ERBB4: variants seen among roughly 807,000 people sequenced by gnomAD.
ERBB4 encodes receptor tyrosine-protein kinase erbB-4.
A neutral mutation model predicts 158.0 loss-of-function variants in ERBB4; 42 were observed. The ratio of observed to expected loss-of-function variants is 0.27; its 90% CI spans 0.21 to 0.34. The LOEUF (loss-of-function observed/expected upper bound fraction) is 0.34. Ranked by LOEUF, ERBB4 falls within the 10% of genes least tolerant of loss-of-function variation. The pLI is 1.00. For synonymous variants in ERBB4, 583 were observed against 558.7 expected, an observed-to-expected ratio of 1.04 and a Z score of -0.61; for missense variants, 1,333 against 1,624.1, an observed-to-expected ratio of 0.82 and a Z score of 3.08.
At chr2:211,491,315 A>C (rs951410985) in intron 20 of ERBB4, among the ~76,000 whole-genome samples, 2 of 152,056 alleles carry the variant, frequency 1.3e-5, no homozygotes, top group African/African-American at 4.8e-5. Context: ...TAGGGAGATG[A>C]AGTAACAAAA....
intron 19 of ERBB4, among the ~76,000 whole-genome samples, chr2:211,617,987 C>A (rs2069457603): frequency 6.6e-6 from 1 of 151,962 alleles, no homozygotes; most frequent in Non-Finnish European, 1.5e-5. Context: ...TTTATTCCAT[C>A]CTACTCTGAA....
At chr2:212,531,238 G>A (rs754013660) in intron 1 of ERBB4, among the ~76,000 whole-genome samples, 1 of 152,122 alleles carries the variant, frequency 6.6e-6, no homozygotes. Flanking sequence ...ATGGGCCCAT[G>A]AGAACACTTA....
chr2:212,003,173 GA>G lies in ERBB4; in HGVS notation c.235-55558del, dbSNP rs1237718912. On this transcript the variant is annotated intron_variant, in intron 2 of 27. Coordinates refer to ENST00000342788, the MANE Select transcript of ERBB4 (RefSeq NM_005235.3). ...GGAAAGAAAGAAAGAAAGAAAGAAAGAAAGAAAGAAAGAAAGAAAGAAAGAA... is the reference window on the plus strand; with the variant it reads ...GGAAAGAAAGAAAGAAAGAAAGAAAGAAGAAAGAAAGAAAGAAAGAAAGAA... Among the ~76,000 whole-genome samples, 241 of 35,420 alleles carry G rather than the reference GA, an allele frequency of 6.8e-3. 12 individuals are homozygous for G. The highest frequency in any genetic ancestry group is 0.017 in the Non-Finnish European group (181 of 10,594). 23.2% of individuals were successfully genotyped at this position (35,420 alleles called of 152,430 possible). A position where few individuals can be genotyped will look rare whatever the true frequency, so the allele number is the denominator to read the frequency against.
At chr2:211,743,023 G>A (rs1011785733) in intron 5 of ERBB4, among the ~76,000 whole-genome samples, 15 of 152,142 alleles carry the variant, frequency 9.9e-5, no homozygotes, top group Non-Finnish European at 8.8e-5. Context: ...CAGTTTAATG[G>A]AGACATTTAA....
intron 5 of ERBB4, among the ~76,000 whole-genome samples, chr2:211,745,152 C>G (rs1318719835): frequency 6.6e-6 from 1 of 152,026 alleles, no homozygotes; most frequent in Non-Finnish European, 1.5e-5. Flanking sequence ...ACAGAAGAGT[C>G]AGTGGAAATC....
intron 1 of ERBB4, among the ~76,000 whole-genome samples, chr2:212,502,840 G>C (rs1690967534): frequency 6.6e-6 from 1 of 152,002 alleles, no homozygotes; most frequent in Non-Finnish European, 1.5e-5. Flanking sequence ...GTACCATCAG[G>C]ACTCAGTGCA....
chr2:211,505,710 C>T (rs550672674), intron 20 of ERBB4, among the ~76,000 whole-genome samples: 1 of 152,120 alleles, frequency 6.6e-6, no homozygotes, highest in Non-Finnish European at 1.5e-5. Flanking sequence ...CCTGTAATCC[C>T]AGCACTTTGG....
At chr2:212,538,351 C>T in intron 1 of ERBB4, 98 bp downstream of exon 1, 1 of 1,095,808 alleles carries the variant, frequency 9.1e-7, no homozygotes, top group Non-Finnish European at 1.4e-6. Flanking sequence ...GCGGTCCCTC[C>T]ACGCCTCCCG....
At chr2:211,839,066 C>T (rs2077405068) in intron 3 of ERBB4, among the ~76,000 whole-genome samples, 1 of 149,982 alleles carries the variant, frequency 6.7e-6, no homozygotes, top group African/African-American at 2.5e-5. Flanking sequence ...TTAAAGATTC[C>T]TTTTTACATA....
intron 3 of ERBB4, among the ~76,000 whole-genome samples, chr2:211,896,081 CA>C (rs1170013623): frequency 2.6e-5 from 4 of 152,116 alleles, no homozygotes; most frequent in Non-Finnish European, 5.9e-5. Flanking sequence ...ACTTCCTACC[CA>C]GGTGTTTTCA....
intron 1 of ERBB4, among the ~76,000 whole-genome samples, chr2:212,267,442 G>A (rs917694572): frequency 4.0e-5 from 6 of 151,690 alleles, no homozygotes; most frequent in Non-Finnish European, 8.8e-5. Flanking sequence ...TATTTGAATA[G>A]GTCTAGGTTA....
intron 1 of ERBB4, among the ~76,000 whole-genome samples, chr2:212,384,642 G>A (rs187784737): frequency 6.6e-6 from 1 of 151,456 alleles, no homozygotes; most frequent in Admixed American, 6.6e-5. Context: ...AGCAATATAT[G>A]TACAAAAAAT....
At chr2:211,431,163 A>G in intron 20 of ERBB4, 63 bp from the exon 21 acceptor site, 1 of 1,502,824 alleles carries the variant, frequency 6.7e-7, no homozygotes, top group Non-Finnish European at 9.2e-7. Context: ...ATTTTTCTAA[A>G]ACAAAGTTTC....
intron 25 of ERBB4, among the ~76,000 whole-genome samples, chr2:211,397,596 C>T (rs545359024): frequency 1.3e-5 from 2 of 152,228 alleles, no homozygotes; most frequent in Admixed American, 6.5e-5. Flanking sequence ...AGATTGTCCA[C>T]CTGAGCCAAG....
chr2:211,401,007 A>G (rs1245059738), intron 25 of ERBB4, among the ~76,000 whole-genome samples: 1 of 152,126 alleles, frequency 6.6e-6, no homozygotes, highest in East Asian at 1.9e-4. Flanking sequence ...CATAAGTAAA[A>G]TAATGAGAAA....
chr2:211,609,099 T>C (rs1015715178), intron 19 of ERBB4, among the ~76,000 whole-genome samples: 2 of 152,092 alleles, frequency 1.3e-5, no homozygotes, highest in African/African-American at 2.4e-5. Context: ...TTTCTCTGAC[T>C]TTCTCCTGTC....
intron 1 of ERBB4, among the ~76,000 whole-genome samples, chr2:212,503,067 A>T (rs905143565): frequency 6.6e-6 from 1 of 152,130 alleles, no homozygotes; most frequent in African/African-American, 2.4e-5. Flanking sequence ...TTTTTCCCCC[A>T]TTTGGCCTCA....
chr2:211,390,931 C>CT (rs1263701290), intron 25 of ERBB4, among the ~76,000 whole-genome samples: 3 of 152,090 alleles, frequency 2.0e-5, no homozygotes, highest in Non-Finnish European at 4.4e-5. Flanking sequence ...TTTCAGTTTG[C>CT]TTTTTTATCT....
At chr2:211,695,105 G>A (rs2072965152) in intron 12 of ERBB4, among the ~76,000 whole-genome samples, 1 of 151,986 alleles carries the variant, frequency 6.6e-6, no homozygotes, top group Admixed American at 6.5e-5. Context: ...AGTTACCAGA[G>A]AAAAACAAAT....
Sources: allele counts gnomAD v4.1 joint callset (sites outside exome capture counted in the v4.1 genomes callset), GRCh38; gene constraint gnomAD v4.1.1; transcripts MANE v1.5; gene names NCBI Gene and HGNC (gene_info 2026-07-23, HGNC 2026-07-21).